The following XXYLT1 variants were observed in gnomAD, a reference collection of about 807,000 sequenced individuals.
XXYLT1 encodes the protein xyloside xylosyltransferase 1.
In XXYLT1, 20 loss-of-function variants were observed where a neutral mutation model predicts 28.9. The ratio of observed to expected loss-of-function variants is 0.69; its 90% CI spans 0.49 to 1.00. XXYLT1 has a LOEUF of 1.00. XXYLT1 is among the 50% of genes least tolerant of loss of function. The pLI, the probability that XXYLT1 is intolerant of heterozygous loss-of-function variation, is 0.00. For missense variants in XXYLT1, 542 were observed against 560.1 expected (o/e 0.97, Z 0.33); for synonymous variants, 257 against 253.8 (o/e 1.01, Z -0.12).
intron 2 of XXYLT1, among the ~76,000 whole-genome samples, chr3:195,202,110 G>A (rs1722881236): frequency 6.6e-6 from 1 of 152,114 alleles, no homozygotes. Context: ...CTGGGAGGTG[G>A]AGGTTGCAGT....
intron 3 of XXYLT1, among the ~76,000 whole-genome samples, chr3:195,087,602 A>G (rs112605217): frequency 0.014 from 2,182 of 152,342 alleles, 48 homozygotes; most frequent in African/African-American, 0.049. Flanking sequence ...AGCCAACTGG[A>G]ATTTGAATGA....
At chr3:195,219,037 T>C (rs1480033681) in intron 2 of XXYLT1, among the ~76,000 whole-genome samples, 1 of 151,850 alleles carries the variant, frequency 6.6e-6, no homozygotes, top group East Asian at 1.9e-4. Context: ...AAATTGGAAA[T>C]CATCATTCTC....
chr3:195,103,688 A>G (rs114390731), intron 3 of XXYLT1, among the ~76,000 whole-genome samples: 1 of 152,234 alleles, frequency 6.6e-6, no homozygotes, highest in African/African-American at 2.4e-5. Flanking sequence ...GAATCCATCA[A>G]GGGGAAGTCA....
chr3:195,164,046 A>G (rs1477144547), intron 2 of XXYLT1, among the ~76,000 whole-genome samples: 1 of 152,278 alleles, frequency 6.6e-6, no homozygotes, highest in Non-Finnish European at 1.5e-5. Flanking sequence ...TGTGAAATGC[A>G]TTCTTTTATG....
At chr3:195,112,034 A>C (rs1026549281) in intron 3 of XXYLT1, among the ~76,000 whole-genome samples, 1 of 152,204 alleles carries the variant, frequency 6.6e-6, no homozygotes, top group Admixed American at 6.5e-5. Context: ...ATCGCTGCAG[A>C]AATGTGCAAA....
At chr3:195,079,225 G>A (rs938614080) in intron 3 of XXYLT1, among the ~76,000 whole-genome samples, 2 of 152,204 alleles carry the variant, frequency 1.3e-5, no homozygotes, top group African/African-American at 4.8e-5. Flanking sequence ...GAAGGAGAGG[G>A]ATGGAGACGG....
At chr3:195,100,984 A>C (rs1289074461) in intron 3 of XXYLT1, among the ~76,000 whole-genome samples, 1 of 152,266 alleles carries the variant, frequency 6.6e-6, no homozygotes, top group African/African-American at 2.4e-5. Context: ...GCAAGGATAT[A>C]ACTAGCCTTT....
chr3:195,082,757 G>A (rs1303059312), intron 3 of XXYLT1, among the ~76,000 whole-genome samples: 4 of 152,032 alleles, frequency 2.6e-5, no homozygotes, highest in Non-Finnish European at 4.4e-5. Flanking sequence ...GCTGAGGCAT[G>A]ACAATCACTT....
At chr3:195,215,630 A>C (rs1316656329) in intron 2 of XXYLT1, among the ~76,000 whole-genome samples, 1 of 146,072 alleles carries the variant, frequency 6.8e-6, no homozygotes, top group Admixed American at 6.9e-5. Context: ...AACTATCCTA[A>C]ATATATATGC....
chr3:195,227,890 C>G (rs1724123770), intron 1 of XXYLT1, among the ~76,000 whole-genome samples: 1 of 152,192 alleles, frequency 6.6e-6, no homozygotes. Context: ...TAACTCTACT[C>G]CAGAAGATGA....
intron 1 of XXYLT1, among the ~76,000 whole-genome samples, chr3:195,254,314 G>A (rs527296070): frequency 2.6e-4 from 40 of 152,358 alleles, no homozygotes; most frequent in African/African-American, 8.7e-4. Context: ...ACCACAGGAC[G>A]CAGGCTCGAA....
At chr3:195,269,587 G>T (rs370260894) in intron 1 of XXYLT1, among the ~76,000 whole-genome samples, 1 of 152,290 alleles carries the variant, frequency 6.6e-6, no homozygotes, top group South Asian at 2.1e-4. Context: ...CACCCCGTAG[G>T]CAACAAGGAG....
chr3:195,113,548 C>A (rs979481265), intron 3 of XXYLT1, among the ~76,000 whole-genome samples: 1 of 152,176 alleles, frequency 6.6e-6, no homozygotes, highest in Non-Finnish European at 1.5e-5. Context: ...AGGACCTGAA[C>A]CCAGGCAGTG....
chr3:195,226,703 G>C lies in XXYLT1; in HGVS notation c.652+6C>G, dbSNP rs952355711. The C allele has an allele frequency of 1.7e-5, 27 of 1,610,300 alleles. No homozygotes were observed. Among genetic ancestry groups the C allele is most frequent in the Non-Finnish European group, 2.2e-5 (26 of 1,178,988 alleles). On this transcript the variant is annotated splice_donor_region_variant and intron_variant, in intron 2 of 3. Coordinates refer to ENST00000310380, the MANE Select transcript of XXYLT1 (RefSeq NM_152531.5). ...AGGGGCTATTGCTCCTGGAAGCCCA[G>C]GTTACCTTTGGGCATGATCTGATGC...
chr3:195,183,369 G>A (rs1482004360), intron 2 of XXYLT1: 1 of 152,232 alleles, frequency 6.6e-6, no homozygotes, highest in East Asian at 1.9e-4. Flanking sequence ...AGTCCCTCCT[G>A]ACCCCTGGGA....
In XXYLT1 at chr3:195,150,636, C is replaced by G. The variant is rs575904409; in HGVS notation, c.785+5813G>C. Among the ~76,000 whole-genome samples, 1 of 152,330 alleles carries G rather than the reference C, an allele frequency of 6.6e-6. No individual in the cohort carries two copies. The highest frequency in any genetic ancestry group is 6.5e-5 in the Admixed American group (1 of 15,304). On this transcript the variant is annotated intron_variant, in intron 3 of 3. Coordinates refer to ENST00000310380, the MANE Select transcript of XXYLT1 (RefSeq NM_152531.5). This position sits in a 1 kb window ranked among gnomAD's most constrained non-coding sequence, Gnocchi z 4.7. The stretch of plus-strand genomic sequence containing the variant: ...TCCTCAGGGTGGGCCGGGGCTCACA[C>G]AGCACACGGCTGCCCGCAGAGCCTG...
intron 2 of XXYLT1, among the ~76,000 whole-genome samples, chr3:195,177,188 C>T (rs1011017382): frequency 3.3e-5 from 5 of 152,196 alleles, no homozygotes; most frequent in African/African-American, 4.8e-5. Flanking sequence ...TATTAACTCG[C>T]GTAGTTCTAC....
intron 3 of XXYLT1, among the ~76,000 whole-genome samples, chr3:195,135,594 A>G (rs1719150321): frequency 6.6e-6 from 1 of 152,218 alleles, no homozygotes; most frequent in African/African-American, 2.4e-5. Context: ...CCTCAGCACC[A>G]GGAGGCTGAG....
At chr3:195,103,093 C>T (rs1490168454) in intron 3 of XXYLT1, among the ~76,000 whole-genome samples, 4 of 152,244 alleles carry the variant, frequency 2.6e-5, no homozygotes, top group Non-Finnish European at 5.9e-5. Flanking sequence ...TACTGCCAGC[C>T]TGCACTGAAC....
Sources: gnomAD v4.1 joint callset for allele counts (sites outside exome capture counted in the v4.1 genomes callset) on GRCh38, gnomAD v4.1.1 for gene constraint, Gnocchi (gnomAD v3.1) non-coding constraint, MANE v1.5 for transcripts, NCBI Gene and HGNC (gene_info 2026-07-23, HGNC 2026-07-21) for gene names.